The following ECPAS variants were observed in gnomAD, a reference collection of about 807,000 sequenced individuals.
ECPAS encodes proteasome adapter and scaffold protein ECM29.
In ECPAS, 70 loss-of-function variants were observed where a neutral mutation model predicts 255.1. That is an observed-to-expected ratio of 0.27 (90% CI 0.23 to 0.33). The LOEUF (loss-of-function observed/expected upper bound fraction) is 0.33. Among genes scored for constraint, ECPAS ranks in the 10% least tolerant of loss-of-function variants. The probability of loss-of-function intolerance (pLI) is 1.00; values close to 1 mark genes in which losing one functional copy is unlikely to be tolerated. For missense variants in ECPAS, 1,817 were observed against 2,206.4 expected, an observed-to-expected ratio of 0.82 and a Z score of 3.54; for synonymous variants, 784 against 775.0, an observed-to-expected ratio of 1.01 and a Z score of -0.19.
At chr9:111,364,296 A>T (rs1404206263) in intron 48 of ECPAS, among the ~76,000 whole-genome samples, 1 of 152,216 alleles carries the variant, frequency 6.6e-6, no homozygotes, top group Non-Finnish European at 1.5e-5. Context: ...CAAAGTACAA[A>T]AGTGCTACAA....
chr9:111,415,252 T>TGTGTGAGA (rs1554788885), intron 18 of ECPAS, among the ~76,000 whole-genome samples: 2 of 150,222 alleles, frequency 1.3e-5, no homozygotes, highest in South Asian at 4.2e-4. Flanking sequence ...TGTGTGTGTG[T>TGTGTGAGA]GAGAGAGAGA....
At chr9:111,480,163 T>C (rs552477394) in intron 1 of ECPAS, among the ~76,000 whole-genome samples, 1 of 152,160 alleles carries the variant, frequency 6.6e-6, no homozygotes, top group Non-Finnish European at 1.5e-5. Flanking sequence ...TACAATAAAA[T>C]GTTAGTGGAA....
At chr9:111,363,355 T>G (rs540834489) in intron 49 of ECPAS, among the ~76,000 whole-genome samples, 10 of 152,164 alleles carry the variant, frequency 6.6e-5, no homozygotes, top group Non-Finnish European at 1.5e-4. Context: ...CTTTATTACT[T>G]TAAGACAACT....
chr9:111,378,153 AT>A (rs1455859199), intron 36 of ECPAS, among the ~76,000 whole-genome samples: 1 of 151,818 alleles, frequency 6.6e-6, no homozygotes. Context: ...CTCCAAAAAA[AT>A]AAAAATAAAA....
intron 1 of ECPAS, among the ~76,000 whole-genome samples, chr9:111,480,872 A>C (rs1268427865): frequency 6.6e-6 from 1 of 152,262 alleles, no homozygotes; most frequent in African/African-American, 2.4e-5. Context: ...TACTAGAGCC[A>C]GGAAATCCCT....
intron 1 of ECPAS, among the ~76,000 whole-genome samples, chr9:111,479,976 G>A (rs540039022): frequency 3.1e-5 from 4 of 127,444 alleles, no homozygotes; most frequent in African/African-American, 1.2e-4. Context: ...CTGAAACTCC[G>A]TCTCAAAAAA....
chr9:111,444,176 C>T (rs1370956914), intron 4 of ECPAS, among the ~76,000 whole-genome samples: 3 of 151,984 alleles, frequency 2.0e-5, no homozygotes, highest in Non-Finnish European at 4.4e-5. Flanking sequence ...CATTCATTAC[C>T]CTGCTACTGT....
intron 16 of ECPAS, 44 bp from the exon 17 acceptor site, chr9:111,418,050 A>G: frequency 6.6e-7 from 1 of 1,514,390 alleles, no homozygotes; most frequent in African/African-American, 1.4e-5. Flanking sequence ...AATGTCACCA[A>G]TGGGAAATGA....
chr9:111,370,367 G>T, intron 45 of ECPAS, 68 bp downstream of exon 45: 1 of 1,098,210 alleles, frequency 9.1e-7, no homozygotes, highest in Non-Finnish European at 1.3e-6. Context: ...CAGGACATAG[G>T]GGAAAACAAT....
chr9:111,457,444 G>T (rs1382296576), intron 2 of ECPAS, among the ~76,000 whole-genome samples: 4 of 152,154 alleles, frequency 2.6e-5, no homozygotes. Context: ...TTCAGCACAA[G>T]GTCTGAGGAA....
At chr9:111,480,176 G>A (rs958344554) in intron 1 of ECPAS, among the ~76,000 whole-genome samples, 1 of 150,398 alleles carries the variant, frequency 6.6e-6, no homozygotes, top group Non-Finnish European at 1.5e-5. Flanking sequence ...TAGTGGAAGA[G>A]AACAATGCTG....
intron 21 of ECPAS, chr9:111,411,724 C>G (rs1031342851): frequency 3.6e-6 from 1 of 276,536 alleles, no homozygotes; most frequent in Non-Finnish European, 6.7e-6. Flanking sequence ...GGTGTGTTCA[C>G]GGTGGTACGG....
At position 111,370,425 on chromosome 9, in the gene ECPAS, G is replaced by A. The variant is rs753220606; in HGVS notation, c.4974+10C>T. 2.9e-5 allele frequency: 45 copies of A among 1,539,138 alleles called. 1 individual carries two copies. The South Asian group carries it at 5.0e-4, about 17-fold the overall frequency. On this transcript the variant is annotated intron_variant, in intron 45 of 49. Coordinates refer to ENST00000684092, the MANE Select transcript of ECPAS (RefSeq NM_001364929.1). ...GTATAAACCAGAACTGAGGATACAGGTGGTATTACCTTCTTGATGAGAGGT... is the reference window on the plus strand; with the variant it reads ...GTATAAACCAGAACTGAGGATACAGATGGTATTACCTTCTTGATGAGAGGT...
At chr9:111,467,485 A>C (rs979826524) in intron 2 of ECPAS, among the ~76,000 whole-genome samples, 1 of 152,178 alleles carries the variant, frequency 6.6e-6, no homozygotes, top group African/African-American at 2.4e-5. Flanking sequence ...TGAATTTCTG[A>C]GTGACAGGTT....
chr9:111,414,500 T>C lies in ECPAS; in HGVS notation c.1916A>G (p.Asn639Ser). The change falls in exon 19 of 50, where the codon AAC becomes AGC. Residue 639 changes from asparagine to serine, a missense_variant. Transcript: ENST00000684092. ...SSGQMAPSSSNKSGETNPVQI... is the reference protein window; with the variant it reads ...SSGQMAPSSSSKSGETNPVQI... ...GACAGGGTTAGTCTCCCCACTCTTGTTAGATGATGAGGGTGCCATCTGCCC... is the reference window on the plus strand; with the variant it reads ...GACAGGGTTAGTCTCCCCACTCTTGCTAGATGATGAGGGTGCCATCTGCCC... The C allele has an allele frequency of 1.2e-6, 2 of 1,614,000 alleles. No homozygotes were observed. Among genetic ancestry groups the C allele is most frequent in the Admixed American group, 3.3e-5 (2 of 60,028 alleles).
chr9:111,449,671 G>C (rs796208706), intron 3 of ECPAS, among the ~76,000 whole-genome samples: 9 of 152,200 alleles, frequency 5.9e-5, no homozygotes, highest in African/African-American at 2.2e-4. Context: ...ACTAAGCCTG[G>C]ACTAATGCAA....
intron 35 of ECPAS, among the ~76,000 whole-genome samples, chr9:111,380,904 G>A (rs1336113594): frequency 6.6e-6 from 1 of 152,190 alleles, no homozygotes; most frequent in African/African-American, 2.4e-5. Flanking sequence ...AGAGAGTTAG[G>A]GCCTTGCTCT....
At chr9:111,482,908 C>CAGT (rs1378195574) in intron 1 of ECPAS, among the ~76,000 whole-genome samples, 1 of 152,174 alleles carries the variant, frequency 6.6e-6, no homozygotes, top group Non-Finnish European at 1.5e-5. Context: ...GCACCGCGTA[C>CAGT]GATCGAGGGG....
At chr9:111,371,484 A>G in intron 43 of ECPAS, 137 bp downstream of exon 43, 1 of 837,888 alleles carries the variant, frequency 1.2e-6, no homozygotes, top group Non-Finnish European at 1.9e-6. Context: ...AGGTTTACCC[A>G]AAGCTTCCAC....
Sources: gnomAD v4.1 joint callset for allele counts (sites outside exome capture counted in the v4.1 genomes callset) on GRCh38, gnomAD v4.1.1 for gene constraint, MANE v1.5 for transcripts, NCBI Gene and HGNC (gene_info 2026-07-23, HGNC 2026-07-21) for gene names.